Variants in NAV3 observed in about 807,000 individuals in gnomAD.
NAV3 encodes the protein pore membrane and/or filament interacting like protein 1.
In NAV3, 87 loss-of-function variants were observed where a neutral mutation model predicts 244.7. The ratio of observed to expected loss-of-function variants is 0.36; its 90% CI spans 0.30 to 0.42. NAV3 has a LOEUF of 0.42. Among genes scored for constraint, NAV3 ranks in the 20% least tolerant of loss-of-function variants. The pLI is 1.00. For synonymous variants in NAV3, 1,126 were observed against 1,042.2 expected (o/e 1.08, Z -1.55); for missense variants, 2,663 against 2,893.3 (o/e 0.92, Z 1.83).
chr12:78,100,392 A>G (rs1042468417), intron 12 of NAV3, among the ~76,000 whole-genome samples: 36 of 151,888 alleles, frequency 2.4e-4, no homozygotes, highest in Non-Finnish European at 1.6e-4. Flanking sequence ...TTTTATGCCT[A>G]TATTGTAGGA....
At chr12:77,879,821 G>A (rs1264729657) in intron 1 of NAV3, among the ~76,000 whole-genome samples, 1 of 150,990 alleles carries the variant, frequency 6.6e-6, no homozygotes, top group African/African-American at 2.4e-5. Context: ...TTTTCAAAAA[G>A]TGTTATCTCA....
intron 2 of NAV3, among the ~76,000 whole-genome samples, chr12:77,603,418 A>T (rs962881579): frequency 2.0e-5 from 3 of 151,942 alleles, no homozygotes; most frequent in African/African-American, 4.8e-5. Flanking sequence ...CTATGGATTA[A>T]TAAAAATTGA....
At chr12:78,076,575 C>A (rs2137737600) in intron 12 of NAV3, among the ~76,000 whole-genome samples, 1 of 152,098 alleles carries the variant, frequency 6.6e-6, no homozygotes, top group South Asian at 2.1e-4. Flanking sequence ...TATTTCATGT[C>A]TTTTCTGACT....
intron 3 of NAV3, among the ~76,000 whole-genome samples, chr12:77,951,835 T>C (rs2448231): frequency 0.85 from 129,463 of 151,982 alleles, 55,263 homozygotes; most frequent in East Asian, 0.98. Context: ...AACCAAATTC[T>C]GCATATTCTC....
At chr12:77,917,913 G>C (rs888217902) in intron 1 of NAV3, among the ~76,000 whole-genome samples, 4 of 152,024 alleles carry the variant, frequency 2.6e-5, no homozygotes, top group Admixed American at 2.0e-4. Flanking sequence ...CAAAGGCAGT[G>C]ACCAAAAGGA....
At chr12:77,880,931 C>G (rs1246390841) in intron 1 of NAV3, among the ~76,000 whole-genome samples, 2 of 150,436 alleles carry the variant, frequency 1.3e-5, no homozygotes, top group African/African-American at 4.9e-5. Context: ...TGAAGTGACA[C>G]ATTGCTTTAT....
chr12:77,765,067 C>A (rs1020062042), intron 2 of NAV3, among the ~76,000 whole-genome samples: 5 of 152,090 alleles, frequency 3.3e-5, no homozygotes, highest in African/African-American at 7.2e-5. Flanking sequence ...AGGGGAAGTC[C>A]CCAGAAATCC....
At chr12:78,188,888 C>T in intron 33 of NAV3, 111 bp downstream of exon 33, 5 of 916,066 alleles carry the variant, frequency 5.5e-6, no homozygotes, top group Non-Finnish European at 8.0e-6. Context: ...TTTGAAAACT[C>T]TGTAGTATTT....
intron 12 of NAV3, among the ~76,000 whole-genome samples, chr12:78,098,955 G>GTTT (rs11436048): frequency 9.8e-5 from 14 of 143,338 alleles, no homozygotes; most frequent in Non-Finnish European, 1.5e-4. Context: ...AGTATCCAGG[G>GTTT]TTTTTTTTTT....
At chr12:77,837,738 G>A (rs1390040379) in intron 1 of NAV3, among the ~76,000 whole-genome samples, 2 of 152,080 alleles carry the variant, frequency 1.3e-5, no homozygotes, top group African/African-American at 4.8e-5. Flanking sequence ...TTAATAGTAG[G>A]GTTTGTTTTA....
chr12:77,907,392 G>A (rs550731583), intron 1 of NAV3, among the ~76,000 whole-genome samples: 22 of 152,028 alleles, frequency 1.4e-4, no homozygotes, highest in African/African-American at 4.8e-4. Context: ...TTGCCTCCAG[G>A]TGAGAGTTTT....
intron 2 of NAV3, among the ~76,000 whole-genome samples, chr12:77,742,819 GCTTAAA>G (rs1391827079): frequency 1.3e-5 from 2 of 151,956 alleles, no homozygotes; most frequent in Non-Finnish European, 2.9e-5. Context: ...GCAAGTATTT[GCTTAAA>G]ACATCACGTG....
rs2140140682 is a variant in NAV3 at position 78,210,503 on chromosome 12, G to C, written c.7144G>C (p.Glu2382Gln). 1.2e-6 allele frequency: 2 copies of C among 1,613,708 alleles called. No homozygotes were observed. Among genetic ancestry groups the C allele is most frequent in the South Asian group, 1.1e-5 (1 of 91,064 alleles). ...TGAAGACATTTTGGATTCATCTCTT[G>C]AATCTACCCTCTAGAGGGTGAAAAA... ...HHEDILDSSLESTL is the reference protein window; with the variant it reads ...HHEDILDSSLQSTL Residue 2382 changes from glutamate to glutamine, a missense_variant, in exon 40 of 40, where the codon GAA becomes CAA. Physicochemically the swap from Glu to Gln is conservative, Grantham distance 29 (BLOSUM62 2). This residue lies in a region of NAV3 where 543 missense variants were observed against 672.4 expected (regional missense o/e 0.81). Coordinates refer to ENST00000397909, the MANE Select transcript of NAV3 (RefSeq NM_001024383.2).
chr12:77,984,356 T>A (rs749724029), intron 5 of NAV3, among the ~76,000 whole-genome samples: 4 of 152,028 alleles, frequency 2.6e-5, no homozygotes, highest in Non-Finnish European at 5.9e-5. Context: ...AAGTGGTAAG[T>A]GAGAACCAAG....
chr12:77,921,906 G>A (rs989524201), intron 1 of NAV3, among the ~76,000 whole-genome samples: 4 of 152,062 alleles, frequency 2.6e-5, no homozygotes, highest in Non-Finnish European at 5.9e-5. Context: ...ATTGTTTCAC[G>A]TGTAATATAA....
At chr12:77,765,396 G>A (rs1389310384) in intron 2 of NAV3, among the ~76,000 whole-genome samples, 1 of 152,184 alleles carries the variant, frequency 6.6e-6, no homozygotes. Context: ...TGAATGATCA[G>A]TTTCAATGAG....
chr12:77,634,123 C>G (rs1872047889), intron 2 of NAV3, among the ~76,000 whole-genome samples: 1 of 15,692 alleles, frequency 6.4e-5, no homozygotes, highest in South Asian at 6.0e-3. Flanking sequence ...TGGCAAATCT[C>G]CCATTTTTTT....
At chr12:78,045,956 C>A (rs947528267) in intron 9 of NAV3, among the ~76,000 whole-genome samples, 2 of 152,088 alleles carry the variant, frequency 1.3e-5, no homozygotes, top group African/African-American at 4.8e-5. Context: ...CTGGTTTAGT[C>A]TTGGGAGGGT....
At chr12:77,919,075 C>T (rs1319028392) in intron 1 of NAV3, among the ~76,000 whole-genome samples, 2 of 151,948 alleles carry the variant, frequency 1.3e-5, no homozygotes, top group Non-Finnish European at 2.9e-5. Flanking sequence ...AGAAAAAATA[C>T]TTTTAAAGAA....
Sources: allele counts gnomAD v4.1 joint callset (sites outside exome capture counted in the v4.1 genomes callset), GRCh38; gene constraint gnomAD v4.1.1; regional missense constraint gnomAD v4.1.1; transcripts MANE v1.5; gene names NCBI Gene and HGNC (gene_info 2026-07-23, HGNC 2026-07-21).